SEMA6A: variants seen among roughly 807,000 people sequenced by gnomAD.
The protein encoded by SEMA6A is semaphorin-6A.
A neutral mutation model predicts 96.8 loss-of-function variants in SEMA6A; 25 were observed. The observed-to-expected ratio is 0.26, with a 90% CI of 0.19 to 0.36. The LOEUF (loss-of-function observed/expected upper bound fraction) is 0.36, where lower values mean the gene tolerates loss of function less well. Among genes scored for constraint, SEMA6A ranks in the 10% least tolerant of loss-of-function variants. SEMA6A has a pLI of 1.00. For missense variants in SEMA6A, 1,363 were observed against 1,323.1 expected (o/e 1.03, Z -0.47); for synonymous variants, 612 against 518.0 (o/e 1.18, Z -2.46).
chr5:116,473,192 G>A lies in SEMA6A; in HGVS notation c.1709-99C>T, dbSNP rs114256088. On this transcript the variant is annotated intron_variant, in intron 16 of 18. Coordinates refer to ENST00000343348, the MANE Select transcript of SEMA6A (RefSeq NM_020796.5). The stretch of plus-strand genomic sequence containing the variant: ...TGAGCTAACACAGAACTATGCCAGC[G>A]TATGGTCCCCGATACTAAGTAAGTG... 975 of 1,179,430 alleles carry A rather than the reference G, an allele frequency of 8.3e-4. 8 individuals carry two copies. In the African/African-American group the frequency reaches 0.012, roughly 14 times the overall value. The allele number at this position is 1,179,430 out of a possible 1,614,324, so 73.1% of individuals were successfully genotyped here. A position where few individuals can be genotyped will look rare whatever the true frequency, so the allele number is the denominator to read the frequency against.
intron 1 of SEMA6A, among the ~76,000 whole-genome samples, chr5:116,508,981 C>G (rs1350141801): frequency 1.3e-5 from 2 of 152,188 alleles, no homozygotes; most frequent in African/African-American, 2.4e-5. Flanking sequence ...CATGTGGAAC[C>G]CACTGTCTAT....
rs990748084 is a variant in SEMA6A, at chr5:116,463,864, T to G, written c.1894+3719A>C. On this transcript the variant is annotated intron_variant, in intron 18 of 18. Coordinates refer to ENST00000343348, the MANE Select transcript of SEMA6A (RefSeq NM_020796.5). ...TTCAGGATATATTCTTGTGTCCTCA[T>G]AGCAGTGGTCAGCATTTACATTTTA... 8.9e-4 allele frequency among the ~76,000 whole-genome samples: 135 copies of G among 152,254 alleles called. 1 individual carries two copies. The highest frequency in any genetic ancestry group is 3.1e-3 in the African/African-American group (128 of 41,470).
intron 18 of SEMA6A, among the ~76,000 whole-genome samples, chr5:116,456,377 A>G (rs1156703828): frequency 6.6e-6 from 1 of 152,194 alleles, no homozygotes. Flanking sequence ...ATTCCAGAAA[A>G]CATATCTAAG....
At chr5:116,503,834 C>T (rs1452561752) in intron 2 of SEMA6A, among the ~76,000 whole-genome samples, 1 of 152,046 alleles carries the variant, frequency 6.6e-6, no homozygotes, top group Non-Finnish European at 1.5e-5. Context: ...CTTCTATACT[C>T]GGGCATCCAA....
chr5:116,487,069 C>G (rs1420652864), intron 9 of SEMA6A, 103 bp from the exon 10 acceptor site: 4 of 720,408 alleles, frequency 5.6e-6, no homozygotes, highest in Non-Finnish European at 9.4e-6. Context: ...CAACAAGGTG[C>G]TTAATACTGT....
At chr5:116,571,021 T>C (rs796769132) in intron 1 of SEMA6A, among the ~76,000 whole-genome samples, 4 of 152,304 alleles carry the variant, frequency 2.6e-5, no homozygotes, top group African/African-American at 9.6e-5. Flanking sequence ...ATTTACTAGA[T>C]TTTGGAAGAA....
chr5:116,484,866 A>G (rs947560905), intron 10 of SEMA6A, among the ~76,000 whole-genome samples: 4 of 152,200 alleles, frequency 2.6e-5, no homozygotes, highest in African/African-American at 9.6e-5. Flanking sequence ...CGATCAGCCC[A>G]TGGCACAGGC....
Position 116,504,892 on chromosome 5 carries a change from G to T in SEMA6A, c.53C>A (p.Ala18Asp). 6.2e-7 allele frequency: 1 copy of T among 1,604,804 alleles called. No individual in the cohort carries two copies. Among genetic ancestry groups the T allele is most frequent in the South Asian group, 1.1e-5 (1 of 88,590 alleles). The change falls in exon 2 of 19, where the codon GCT (alanine) becomes GAT (aspartate). Residue 18 changes from alanine (A) to aspartate (D), a missense_variant. Physicochemically the swap from Ala to Asp is moderately radical, Grantham distance 126. This residue lies in a region of SEMA6A where 480 missense variants were observed against 559.5 expected (regional missense o/e 0.86). Transcript: ENST00000343348. ...TGGCTCAGAATCTTCTGGGAAACCA[G>T]CCCCAGCAAAGTGTAGCAGTGTGAA... The part of the protein sequence containing the change: ...LYFTLLHFAG[A>D]GFPEDSEPIS...
At chr5:116,477,674 ATGTGG>A (rs1756525791) in intron 15 of SEMA6A, among the ~76,000 whole-genome samples, 167 bp downstream of exon 15, 1 of 152,202 alleles carries the variant, frequency 6.6e-6, no homozygotes, top group Non-Finnish European at 1.5e-5. Context: ...GCCACATGTG[ATGTGG>A]TGAGGCTCTA....
rs148349544 is a variant in SEMA6A at position 116,556,443 on chromosome 5, T to C, written c.-39+17742A>G. Among the ~76,000 whole-genome samples the C allele has an allele frequency of 1.5e-3, 225 of 152,314 alleles. 1 individual carries two copies. Among genetic ancestry groups the C allele is most frequent in the Admixed American group, 8.2e-3 (125 of 15,304 alleles). On this transcript the variant is annotated intron_variant, in intron 1 of 18. Transcript: ENST00000343348. ...TATTAGGAGGGTTTGGTGTCAAATA[T>C]TAATAGCTAATTTTTATTGAGTGTT...
chr5:116,534,093 T>C (rs1366836439), intron 1 of SEMA6A, among the ~76,000 whole-genome samples: 1 of 152,168 alleles, frequency 6.6e-6, no homozygotes, highest in East Asian at 1.9e-4. Context: ...TACATTTACT[T>C]CCTAACCTCT....
chr5:116,448,523 G>A (rs539776840), intron 18 of SEMA6A, among the ~76,000 whole-genome samples: 3 of 152,140 alleles, frequency 2.0e-5, no homozygotes, highest in Admixed American at 1.3e-4. Context: ...TGAGTCTGGA[G>A]GAAGAGGCAA....
In SEMA6A at chr5:116,536,922, C is replaced by T. The variant is rs73780332; in HGVS notation, c.-38-31940G>A. Among the ~76,000 whole-genome samples the T allele has an allele frequency of 9.1e-3, 1,047 of 114,726 alleles. 14 individuals carry two copies. Among genetic ancestry groups the T allele is most frequent in the African/African-American group, 0.031 (982 of 31,208 alleles). 75.3% of individuals were successfully genotyped at this position (114,726 alleles called of 152,430 possible). A position where few individuals can be genotyped will look rare whatever the true frequency, so the allele number is the denominator to read the frequency against. On this transcript the variant is annotated intron_variant, in intron 1 of 18. Coordinates refer to ENST00000343348, the MANE Select transcript of SEMA6A (RefSeq NM_020796.5). The stretch of plus-strand genomic sequence containing the variant: ...AAAACTGGTGTTCTTTTGTGCTGTA[C>T]AAAGGCAGCACTTTGCTGACTCCAA...
intron 10 of SEMA6A, among the ~76,000 whole-genome samples, chr5:116,485,567 C>G (rs188120189): frequency 6.6e-6 from 1 of 152,168 alleles, no homozygotes; most frequent in African/African-American, 2.4e-5. Flanking sequence ...GACTCTCATC[C>G]GCTGTATAAT....
chr5:116,467,554 G>A (rs201121403), intron 18 of SEMA6A, 29 bp downstream of exon 18: 26 of 1,588,242 alleles, frequency 1.6e-5, no homozygotes, highest in South Asian at 6.8e-5. Flanking sequence ...CCTCTCCCCC[G>A]AGAGGAAGAG....
At chr5:116,481,383 G>A (rs936237102) in intron 11 of SEMA6A, among the ~76,000 whole-genome samples, 3 of 152,174 alleles carry the variant, frequency 2.0e-5, no homozygotes, top group African/African-American at 7.2e-5. Context: ...TCTGTCTGAG[G>A]TTGCTGGGGT....
At chr5:116,499,549 T>C (rs1381425164) in intron 3 of SEMA6A, among the ~76,000 whole-genome samples, 1 of 152,080 alleles carries the variant, frequency 6.6e-6, no homozygotes, top group Non-Finnish European at 1.5e-5. Flanking sequence ...AGTGTAAAAA[T>C]AAAGTGTAAA....
At chr5:116,492,989 C>T (rs978046371) in intron 6 of SEMA6A, among the ~76,000 whole-genome samples, 1 of 152,164 alleles carries the variant, frequency 6.6e-6, no homozygotes, top group African/African-American at 2.4e-5. Flanking sequence ...CTGAGCAATG[C>T]CAAGGGTTCT....
intron 1 of SEMA6A, among the ~76,000 whole-genome samples, chr5:116,572,848 G>A (rs1395833269): frequency 1.3e-5 from 2 of 152,098 alleles, no homozygotes; most frequent in Non-Finnish European, 2.9e-5. Flanking sequence ...CAGTCCGGTC[G>A]TGCCTGCCGC....
Sources: gnomAD v4.1 joint callset for allele counts (sites outside exome capture counted in the v4.1 genomes callset) on GRCh38, gnomAD v4.1.1 for gene constraint, gnomAD v4.1.1 regional missense constraint, MANE v1.5 for transcripts, NCBI Gene and HGNC (gene_info 2026-07-23, HGNC 2026-07-21) for gene names.